NPTX2: variants seen among roughly 807,000 people sequenced by gnomAD.
The protein encoded by NPTX2 is neuronal pentraxin 2.
In NPTX2, 23 loss-of-function variants were observed where a neutral mutation model predicts 38.1. That is an observed-to-expected ratio of 0.60 (90% confidence interval 0.43 to 0.85). The LOEUF is 0.85. NPTX2 is among the 40% of genes least tolerant of loss of function. NPTX2 has a pLI of 0.00. For synonymous variants in NPTX2, 291 were observed against 287.3 expected, an observed-to-expected ratio of 1.01 and a Z score of -0.13; for missense variants, 553 against 615.3, an observed-to-expected ratio of 0.90 and a Z score of 1.07.
At chr7:98,627,071 A>C (rs1363705452) in intron 3 of NPTX2, 94 bp from the exon 4 acceptor site, 1 of 779,478 alleles carries the variant, frequency 1.3e-6, no homozygotes, top group Non-Finnish European at 2.1e-6. Flanking sequence ...AGTGTGGCCC[A>C]GGGGGACTGT....
At position 98,628,932 on chromosome 7, in the gene NPTX2, T is replaced by C. The variant is rs529954289; in HGVS notation, c.*303T>C. 82 of 303,640 alleles carry C rather than the reference T, an allele frequency of 2.7e-4. No individual in the cohort carries two copies. Among genetic ancestry groups the C allele is most frequent in the African/African-American group, 1.4e-3 (68 of 47,592 alleles). 18.8% of individuals were successfully genotyped at this position (303,640 alleles called of 1,614,324 possible). On this transcript the variant is annotated 3_prime_UTR_variant, in exon 5 of 5. Coordinates refer to ENST00000265634, the MANE Select transcript of NPTX2 (RefSeq NM_002523.3). ...GTGGAGGCAGGTCCAGCAGCCCCTC[T>C]TCAGAGCCCCTGTAAATGCTATCGC...
At position 98,617,436 on chromosome 7, in the gene NPTX2, G is replaced by C; in HGVS notation, c.-26G>C. 1 of 878,846 alleles carries C rather than the reference G, an allele frequency of 1.1e-6. No homozygotes were observed. The highest frequency in any genetic ancestry group is 1.5e-6 in the Non-Finnish European group (1 of 676,752). The allele number at this position is 878,846 out of a possible 1,614,324, so 54.4% of individuals were successfully genotyped here. ...CCGACGGCGCCCGCTCGCCCATGCC[G>C]AGCTGAGCGCGGCAGCGGCGGCGGG... is the stretch of plus-strand genomic sequence containing the variant. On this transcript the variant is annotated 5_prime_UTR_variant, in exon 1 of 5. Coordinates refer to ENST00000265634, the MANE Select transcript of NPTX2 (RefSeq NM_002523.3).
At position 98,617,736 on chromosome 7, in the gene NPTX2, C is replaced by G. The variant is rs1562848659; in HGVS notation, c.275C>G (p.Ala92Gly). 1 of 1,429,062 alleles carries G rather than the reference C, an allele frequency of 7.0e-7. No individual in the cohort carries two copies. The highest frequency in any genetic ancestry group is 9.1e-7 in the Non-Finnish European group (1 of 1,103,858). 88.5% of individuals were successfully genotyped at this position (1,429,062 alleles called of 1,614,324 possible). ...ATCCGCGAGCTCACGGGCAAGCTAG[C>G]GCGCTGCGAGGGGCTGGCGGGCGGC... ...EAIRELTGKL[A>G]RCEGLAGGKA... is the part of the protein sequence containing the mutation. Residue 92 changes from alanine to glycine, a missense_variant, in exon 1 of 5, where the codon GCG (alanine) becomes GGG (glycine). Transcript: ENST00000265634.
At chr7:98,619,905 A>G (rs1791247507) in intron 2 of NPTX2, 46 bp downstream of exon 2, 1 of 1,544,748 alleles carries the variant, frequency 6.5e-7, no homozygotes, top group African/African-American at 1.4e-5. Flanking sequence ...CCTGATTTTC[A>G]CCACTTGTGG....
At chr7:98,620,087 G>A (rs529047760) in intron 2 of NPTX2, 11 of 576,760 alleles carry the variant, frequency 1.9e-5, no homozygotes, top group South Asian at 4.1e-5. Flanking sequence ...GACCAGCTTC[G>A]ATAAGCAACC....
chr7:98,618,105 G>C (rs900947285), intron 1 of NPTX2, among the ~76,000 whole-genome samples: 4 of 152,218 alleles, frequency 2.6e-5, no homozygotes, highest in Non-Finnish European at 5.9e-5. Context: ...TTGCTGGAAG[G>C]AAACGTTTAA....
At chr7:98,623,618 T>A (rs991211030) in intron 2 of NPTX2, among the ~76,000 whole-genome samples, 1 of 152,170 alleles carries the variant, frequency 6.6e-6, no homozygotes, top group Non-Finnish European at 1.5e-5. Flanking sequence ...AAAGTGCTTT[T>A]TGTCAGGGAT....
chr7:98,629,239 C>A lies in NPTX2; in HGVS notation c.*610C>A. ...AAAGCAGAGGGGCTGTCTGTGTCTC[C>A]AGAAAGGGGACATCGGGGGGGAGGG... On this transcript the variant is annotated 3_prime_UTR_variant, in exon 5 of 5. Transcript: ENST00000265634. The A allele has an allele frequency of 6.5e-6, 1 of 152,774 alleles. No homozygotes were observed. The highest frequency in any genetic ancestry group is 1.5e-5 in the Non-Finnish European group (1 of 68,160). The allele number at this position is 152,774 out of a possible 1,614,324, so 9.5% of individuals were successfully genotyped here.
At chr7:98,624,327 A>G (rs1348175116) in intron 2 of NPTX2, among the ~76,000 whole-genome samples, 3 of 152,196 alleles carry the variant, frequency 2.0e-5, no homozygotes, top group African/African-American at 7.2e-5. Context: ...TCTTGGCCTC[A>G]AGCAATCCTC....
Position 98,628,802 on chromosome 7 carries a change from C to A in NPTX2, c.*173C>A. On this transcript the variant is annotated 3_prime_UTR_variant, in exon 5 of 5. Coordinates refer to ENST00000265634, the MANE Select transcript of NPTX2 (RefSeq NM_002523.3). ...AGTGTCTGTCACTGGCTTGTTTGTT[C>A]CCTACCAATATTCTGTTGCTGTTTG... 1 of 487,142 alleles carries A rather than the reference C, an allele frequency of 2.1e-6. No homozygotes were observed. The highest frequency in any genetic ancestry group is 3.6e-6 in the Non-Finnish European group (1 of 274,702). 30.2% of individuals were successfully genotyped at this position (487,142 alleles called of 1,614,324 possible). A position where few individuals can be genotyped will look rare whatever the true frequency, so the allele number is the denominator to read the frequency against.
chr7:98,620,908 A>C (rs191417412), intron 2 of NPTX2, among the ~76,000 whole-genome samples: 390 of 152,292 alleles, frequency 2.6e-3, no homozygotes, highest in Non-Finnish European at 4.0e-3. Context: ...AGTTGCCATG[A>C]GGAGGTGGGT....
Position 98,627,186 on chromosome 7 carries a change from G to A in NPTX2, c.910G>A (p.Val304Ile). ...ACAGGTTGCGCAGCTGCCCCTGTTT[G>A]TCAGTGACGGCAAGTGGCACCACAT... ...NDKVAQLPLFVSDGKWHHICV... is the reference protein window; with the variant it reads ...NDKVAQLPLFISDGKWHHICV... The change falls in exon 4 of 5, where the codon GTC becomes ATC. Residue 304 changes from valine to isoleucine, a missense_variant. Val to Ile is a conservative substitution (Grantham distance 29). Coordinates refer to ENST00000265634, the MANE Select transcript of NPTX2 (RefSeq NM_002523.3). 6.2e-7 allele frequency: 1 copy of A among 1,613,682 alleles called. No individual in the cohort carries two copies. The highest frequency in any genetic ancestry group is 8.5e-7 in the Non-Finnish European group (1 of 1,179,724).
intron 1 of NPTX2, among the ~76,000 whole-genome samples, chr7:98,618,558 CT>C (rs1176721299): frequency 1.1e-4 from 12 of 105,954 alleles, no homozygotes; most frequent in African/African-American, 5.5e-4. Context: ...ATTCCCTTCT[CT>C]CTCTCTCTCT....
chr7:98,618,595 T>TCCCCCCCCCCCCCCC (rs1221869556), intron 1 of NPTX2, among the ~76,000 whole-genome samples: 27 of 29,126 alleles, frequency 9.3e-4, no homozygotes, highest in Admixed American at 2.0e-3. Flanking sequence ...TCCCCCTCCG[T>TCCCCCCCCCCCCCCC]CCCCCCCCCC....
chr7:98,625,775 A>G (rs1252718969), intron 3 of NPTX2, among the ~76,000 whole-genome samples: 2 of 151,298 alleles, frequency 1.3e-5, no homozygotes, highest in Non-Finnish European at 2.9e-5. Context: ...CTGACCTGTT[A>G]TGTATACCCA....
At chr7:98,618,035 G>A in intron 1 of NPTX2, 148 bp downstream of exon 1, 1 of 773,156 alleles carries the variant, frequency 1.3e-6, no homozygotes, top group Non-Finnish European at 2.0e-6. Flanking sequence ...GGTGAAAGGC[G>A]GGGATCTAGA....
intron 1 of NPTX2, 79 bp from the exon 2 acceptor site, chr7:98,619,563 TG>T: frequency 8.4e-7 from 1 of 1,197,516 alleles, no homozygotes; most frequent in Non-Finnish European, 1.2e-6. Context: ...TCTCCCTGTG[TG>T]GTCGGGCCAT....
chr7:98,624,786 G>T, intron 2 of NPTX2, 136 bp from the exon 3 acceptor site: 2 of 1,062,114 alleles, frequency 1.9e-6, no homozygotes, highest in Non-Finnish European at 2.7e-6. Flanking sequence ...AGCGGTCTTT[G>T]GTCGCTTGCT....
At chr7:98,625,874 G>A (rs1393338266) in intron 3 of NPTX2, among the ~76,000 whole-genome samples, 3 of 151,990 alleles carry the variant, frequency 2.0e-5, no homozygotes, top group African/African-American at 7.3e-5. Context: ...GGCTGGGCAT[G>A]GTAGCTCATG....
Sources: allele counts gnomAD v4.1 joint callset (sites outside exome capture counted in the v4.1 genomes callset), GRCh38; gene constraint gnomAD v4.1.1; transcripts MANE v1.5; gene names NCBI Gene and HGNC (gene_info 2026-07-23, HGNC 2026-07-21).